NAP1L4: variants seen among roughly 807,000 people sequenced by gnomAD.
NAP1L4 encodes nucleosome assembly protein 1 like 4.
Under a neutral mutation model 58.2 loss-of-function variants are expected in NAP1L4, and 15 were observed. The ratio of observed to expected loss-of-function variants is 0.26; its 90% CI spans 0.17 to 0.40. The LOEUF (loss-of-function observed/expected upper bound fraction) is 0.40, where lower values mean the gene tolerates loss of function less well. NAP1L4 is among the 10% of genes least tolerant of loss of function. NAP1L4 has a pLI of 1.00. For synonymous variants in NAP1L4, 171 were observed against 155.6 expected (o/e 1.10, Z -0.74); for missense variants, 384 against 451.1 (o/e 0.85, Z 1.35).
chr11:2,971,601 TATAAATA>T lies in NAP1L4; in HGVS notation c.316-74_316-68del, dbSNP rs1382934619. The T allele has an allele frequency of 7.9e-7, 1 of 1,263,298 alleles. No homozygotes were observed. The highest frequency in any genetic ancestry group is 1.1e-6 in the Non-Finnish European group (1 of 890,698). The allele number at this position is 1,263,298 out of a possible 1,614,324, so 78.3% of individuals were successfully genotyped here. A position where few individuals can be genotyped will look rare whatever the true frequency, so the allele number is the denominator to read the frequency against. On this transcript the variant is annotated intron_variant, in intron 5 of 15. Coordinates refer to ENST00000380542, the MANE Select transcript of NAP1L4 (RefSeq NM_005969.4). This position sits in a 1 kb window ranked among gnomAD's most constrained non-coding sequence, Gnocchi z 4.2. ...TACTTAGGAACTCAAGAGTTAAATT[TATAAATA>T]ATGTCTACTAAAAGACTTTGAAAAC... is the stretch of plus-strand genomic sequence containing the variant.
At chr11:2,981,014 A>C (rs1355574648) in intron 1 of NAP1L4, among the ~76,000 whole-genome samples, 1 of 152,048 alleles carries the variant, frequency 6.6e-6, no homozygotes, top group Non-Finnish European at 1.5e-5. Flanking sequence ...AGATTAGTTG[A>C]AGCTCAGGAG....
intron 5 of NAP1L4, 40 bp downstream of exon 5, chr11:2,972,062 C>A: frequency 1.3e-6 from 2 of 1,490,224 alleles, no homozygotes; most frequent in Non-Finnish European, 8.9e-7. Flanking sequence ...CCTTCGTAAG[C>A]TGAAAACTAT....
In NAP1L4 at chr11:2,972,162, A is replaced by G; in HGVS notation, c.255T>C (p.Tyr85=). The G allele has an allele frequency of 6.2e-7, 1 of 1,607,982 alleles. No homozygotes were observed. The highest frequency in any genetic ancestry group is 8.5e-7 in the Non-Finnish European group (1 of 1,178,320). Residue 85 remains tyrosine, a synonymous_variant, in exon 5 of 16, where the codon TAT becomes TAC. Coordinates refer to ENST00000380542, the MANE Select transcript of NAP1L4 (RefSeq NM_005969.4). ...VRCAHIEAKF[Y]EEVHDLERKY... is the part of the protein sequence containing the mutation. Reference sequence around the variant, plus strand: ...TTCTTTCCAAGTCATGTACCTCTTCATAGAACTTGGCTTCTATGTGAGCAC... The same window carrying G: ...TTCTTTCCAAGTCATGTACCTCTTCGTAGAACTTGGCTTCTATGTGAGCAC...
At chr11:2,975,302 G>C (rs140449453) in intron 4 of NAP1L4, among the ~76,000 whole-genome samples, 6 of 152,154 alleles carry the variant, frequency 3.9e-5, no homozygotes, top group Admixed American at 1.3e-4. Flanking sequence ...GAACAACAGT[G>C]AGACTCCAAC....
intron 10 of NAP1L4, 54 bp downstream of exon 10, chr11:2,958,345 A>T: frequency 6.3e-7 from 1 of 1,591,964 alleles, no homozygotes; most frequent in Non-Finnish European, 8.6e-7. Context: ...CTATCAGGTG[A>T]CCAAAATTAT....
chr11:2,954,584 C>A lies in NAP1L4; in HGVS notation c.978G>T (p.Arg326=), dbSNP rs773483784. The A allele has an allele frequency of 6.2e-7, 1 of 1,614,200 alleles. No individual in the cohort carries two copies. Among genetic ancestry groups the A allele is most frequent in the Non-Finnish European group, 8.5e-7 (1 of 1,180,042 alleles). The change falls in exon 12 of 16, where the codon CGG becomes CGT. Residue 326 remains arginine, a synonymous_variant. Transcript: ENST00000380542. This position sits in a 1 kb window ranked among gnomAD's most constrained non-coding sequence, Gnocchi z 4.8. ...DFEIGHFFRE[R]IVPRAVLYFT... is the part of the protein sequence containing the mutation. ...AGTACAGCACAGCCCGCGGGACTAT[C>A]CGCTCACGGAAAAAGTGTCCAATTT...
chr11:2,958,931 G>A, intron 9 of NAP1L4: 1 of 223,066 alleles, frequency 4.5e-6, no homozygotes, highest in South Asian at 6.6e-5. Context: ...AGCACGACAA[G>A]CTGAAAAAAG....
At chr11:2,961,806 A>C (rs1002908257) in intron 8 of NAP1L4, among the ~76,000 whole-genome samples, 2 of 152,204 alleles carry the variant, frequency 1.3e-5, no homozygotes, top group Non-Finnish European at 2.9e-5. Flanking sequence ...TGCTGGGATT[A>C]CAGGCATGAG....
At chr11:2,976,558 A>C (rs1202549080) in intron 3 of NAP1L4, among the ~76,000 whole-genome samples, 1 of 152,170 alleles carries the variant, frequency 6.6e-6, no homozygotes, top group African/African-American at 2.4e-5. Context: ...GGTGCCATAG[A>C]CTTCACAGTC....
In NAP1L4 at chr11:2,971,432, G is replaced by C. The variant is rs749045333; in HGVS notation, c.402+16C>G. ...TATTAAAACAGAACATGAGTCACAT[G>C]TTTCTAAAGACTTACAGCCAATTTC... is the stretch of plus-strand genomic sequence containing the variant. On this transcript the variant is annotated intron_variant, in intron 6 of 15. Transcript: ENST00000380542. The surrounding 1 kb of genome is among the most constrained non-coding windows in gnomAD (Gnocchi z 4.2). The C allele has an allele frequency of 1.9e-6, 3 of 1,608,684 alleles. No homozygotes were observed. Among genetic ancestry groups the C allele is most frequent in the Non-Finnish European group, 2.6e-6 (3 of 1,176,282 alleles).
At chr11:2,969,187 C>T (rs995704768) in intron 7 of NAP1L4, among the ~76,000 whole-genome samples, 2 of 151,928 alleles carry the variant, frequency 1.3e-5, no homozygotes, top group East Asian at 1.9e-4. Flanking sequence ...GATGGGATTT[C>T]GCGATGCTGC....
intron 1 of NAP1L4, among the ~76,000 whole-genome samples, chr11:2,981,292 C>T (rs1283163946): frequency 1.3e-5 from 2 of 150,958 alleles, no homozygotes; most frequent in East Asian, 3.9e-4. Context: ...TACCTCTGGT[C>T]GCAGCTACTT....
chr11:2,969,732 A>T (rs1847520900), intron 7 of NAP1L4, 71 bp downstream of exon 7: 3 of 1,519,990 alleles, frequency 2.0e-6, no homozygotes, highest in Non-Finnish European at 1.8e-6. Context: ...TGTAGTGCTT[A>T]AAAAATGCCA....
chr11:2,959,615 C>T lies in NAP1L4; in HGVS notation c.746+155G>A. ...GTTCTGCACTATGAGCATTCCCAAA[C>T]TGAAAGACTATTGAAATATACATCT... On this transcript the variant is annotated intron_variant, in intron 9 of 15. Coordinates refer to ENST00000380542, the MANE Select transcript of NAP1L4 (RefSeq NM_005969.4). This position sits in a 1 kb window ranked among gnomAD's most constrained non-coding sequence, Gnocchi z 4.9. Among the ~76,000 whole-genome samples, 1 of 152,244 alleles carries T rather than the reference C, an allele frequency of 6.6e-6. No individual in the cohort carries two copies.
Position 2,954,669 on chromosome 11 carries a change from T to C in NAP1L4, c.916-23A>G, listed in dbSNP as rs1846424908. The C allele has an allele frequency of 6.2e-7, 1 of 1,613,988 alleles. No homozygotes were observed. Among genetic ancestry groups the C allele is most frequent in the African/African-American group, 1.3e-5 (1 of 74,930 alleles). ...ATCCTGAGGAGGAAAAACCTACGTG[T>C]TAACTCATTTTAATGGGATAAAAAC... is the stretch of plus-strand genomic sequence containing the variant. On this transcript the variant is annotated intron_variant, in intron 11 of 15. Transcript: ENST00000380542. The surrounding 1 kb of genome is among the most constrained non-coding windows in gnomAD (Gnocchi z 4.8).
chr11:2,967,608 T>TAA (rs36005224), intron 7 of NAP1L4, among the ~76,000 whole-genome samples: 1,433 of 118,360 alleles, frequency 0.012, 26 homozygotes, highest in African/African-American at 0.043. Flanking sequence ...GAGACTCCGT[T>TAA]AAAAAAAAAA....
chr11:2,992,089 T>G (rs945711696), intron 1 of NAP1L4, 165 bp downstream of exon 1: 9 of 151,318 alleles, frequency 5.9e-5, no homozygotes, highest in African/African-American at 1.7e-4. Flanking sequence ...CGGCCGCCGC[T>G]GCCTGCCCCG....
At chr11:2,962,196 T>G (rs1469194868) in intron 8 of NAP1L4, among the ~76,000 whole-genome samples, 1 of 152,258 alleles carries the variant, frequency 6.6e-6, no homozygotes, top group African/African-American at 2.4e-5. Context: ...CATCAAACAT[T>G]TAATTTAACA....
intron 8 of NAP1L4, chr11:2,963,882 C>A: frequency 3.9e-6 from 2 of 519,268 alleles, no homozygotes; most frequent in Non-Finnish European, 7.7e-6. Context: ...TAACGGGTTA[C>A]GAACAGTGCT....
Sources: gnomAD v4.1 joint callset for allele counts (sites outside exome capture counted in the v4.1 genomes callset) on GRCh38, gnomAD v4.1.1 for gene constraint, Gnocchi (gnomAD v3.1) non-coding constraint, MANE v1.5 for transcripts, NCBI Gene and HGNC (gene_info 2026-07-23, HGNC 2026-07-21) for gene names.